Variants in PCDHA2 observed in about 807,000 individuals in gnomAD.
PCDHA2 encodes protocadherin alpha 2.
PCDHA2 carries 58 observed loss-of-function variants against 66.0 expected under a neutral mutation model. That is an observed-to-expected ratio of 0.88 (90% CI 0.71 to 1.09). The LOEUF (loss-of-function observed/expected upper bound fraction) is 1.09. Among genes scored for constraint, PCDHA2 ranks in the 50% least tolerant of loss-of-function variants. The pLI is 0.00. For synonymous variants in PCDHA2, 634 were observed against 554.0 expected, an observed-to-expected ratio of 1.14 and a Z score of -2.03; for missense variants, 1,267 against 1,242.3, an observed-to-expected ratio of 1.02 and a Z score of -0.30.
intron 1 of PCDHA2, among the ~76,000 whole-genome samples, chr5:140,978,440 T>G (rs1238163577): frequency 2.0e-5 from 3 of 152,244 alleles, no homozygotes; most frequent in African/African-American, 7.2e-5. Context: ...GCTGGTGTTA[T>G]GACTGGGCAC....
chr5:140,992,097 A>G (rs1466699064), intron 3 of PCDHA2, among the ~76,000 whole-genome samples: 7 of 151,212 alleles, frequency 4.6e-5, no homozygotes, highest in Non-Finnish European at 1.0e-4. Flanking sequence ...GAGAAAGAGA[A>G]TTAAGGTGAG....
At chr5:141,005,199 C>T (rs2098200928) in intron 3 of PCDHA2, among the ~76,000 whole-genome samples, 1 of 152,208 alleles carries the variant, frequency 6.6e-6, no homozygotes, top group African/African-American at 2.4e-5. Flanking sequence ...TCCTTTCATT[C>T]ATTCATCCAG....
At chr5:140,836,112 G>A in intron 1 of PCDHA2, 2 of 1,613,758 alleles carry the variant, frequency 1.2e-6, no homozygotes, top group South Asian at 2.2e-5. Context: ...TGGTGGCGCA[G>A]TGAGAGAGCT....
chr5:140,924,436 A>T (rs2153572390), intron 1 of PCDHA2, among the ~76,000 whole-genome samples: 1 of 152,318 alleles, frequency 6.6e-6, no homozygotes, highest in East Asian at 1.9e-4. Context: ...CCTAGAAGAG[A>T]TAACGAATGG....
Position 140,942,913 on chromosome 5 carries a change from GA to G in PCDHA2, c.2389-36026del, listed in dbSNP as rs58669311. Among the ~76,000 whole-genome samples the G allele has an allele frequency of 2.0e-3, 305 of 148,960 alleles. 3 individuals carry two copies. The highest frequency in any genetic ancestry group is 6.9e-3 in the African/African-American group (281 of 40,624). ...ATTTATCTCTAAGAATAAGCGTGAA[GA>G]AAAAAAAAATTGAAAAAGAGTTTAA... On this transcript the variant is annotated intron_variant, in intron 1 of 3. Coordinates refer to ENST00000526136, the MANE Select transcript of PCDHA2 (RefSeq NM_018905.3).
intron 1 of PCDHA2, chr5:140,797,566 C>A: frequency 1.5e-6 from 1 of 668,078 alleles, no homozygotes; most frequent in Non-Finnish European, 2.5e-6. Flanking sequence ...TACATTTTGG[C>A]ACTTCCATCA....
intron 1 of PCDHA2, chr5:140,822,888 C>G: frequency 6.2e-7 from 1 of 1,614,234 alleles, no homozygotes; most frequent in Non-Finnish European, 8.5e-7. Context: ...TTGCTCTGAT[C>G]AGCGTGTCTG....
intron 1 of PCDHA2, among the ~76,000 whole-genome samples, chr5:140,973,451 G>A (rs1317548382): frequency 2.0e-5 from 3 of 152,172 alleles, no homozygotes; most frequent in African/African-American, 7.2e-5. Context: ...TATAATGACT[G>A]GGGCTGTTTT....
chr5:140,858,159 C>T lies in PCDHA2; in HGVS notation c.2388+60807C>T, dbSNP rs782574934. The T allele has an allele frequency of 3.8e-6, 6 of 1,597,644 alleles. No homozygotes were observed. In the Admixed American group the frequency reaches 5.1e-5, roughly 13 times the overall value. On this transcript the variant is annotated intron_variant, in intron 1 of 3. Coordinates refer to ENST00000526136, the MANE Select transcript of PCDHA2 (RefSeq NM_018905.3). ...GTGTACCTGATCATCGCCATCTGCG[C>T]GGTGTCCAGCTTGCTGGTGCTCACG...
intron 1 of PCDHA2, chr5:140,966,634 G>A: frequency 9.8e-7 from 1 of 1,022,982 alleles, no homozygotes; most frequent in Non-Finnish European, 1.3e-6. Flanking sequence ...GGCCCCAGGC[G>A]CTTTCTAGAG....
chr5:140,800,279 C>G (rs1762533766), intron 1 of PCDHA2, among the ~76,000 whole-genome samples: 1 of 152,064 alleles, frequency 6.6e-6, no homozygotes, highest in Non-Finnish European at 1.5e-5. Context: ...TTGAATTTCT[C>G]TGTAAAGGAC....
At chr5:140,901,474 T>C (rs2068694853) in intron 1 of PCDHA2, among the ~76,000 whole-genome samples, 1 of 152,216 alleles carries the variant, frequency 6.6e-6, no homozygotes, top group Admixed American at 6.5e-5. Context: ...CTCGAGTTTA[T>C]GTTCTTGGCA....
chr5:140,968,758 T>C, intron 1 of PCDHA2: 1 of 1,614,150 alleles, frequency 6.2e-7, no homozygotes, highest in South Asian at 1.1e-5. Flanking sequence ...TGGTCCGAGA[T>C]AATGGAGAGC....
chr5:140,953,295 C>T (rs74485628), intron 1 of PCDHA2, among the ~76,000 whole-genome samples: 3,568 of 152,144 alleles, frequency 0.023, 49 homozygotes, highest in Middle Eastern at 0.034. Flanking sequence ...GATTCAGGGA[C>T]GGCAGAGATG....
intron 1 of PCDHA2, among the ~76,000 whole-genome samples, chr5:140,957,164 T>C (rs2095337835): frequency 6.6e-6 from 1 of 152,148 alleles, no homozygotes; most frequent in Non-Finnish European, 1.5e-5. Flanking sequence ...CAAATCTAAG[T>C]ATATAAATTG....
chr5:140,841,305 G>A (rs2150313122), intron 1 of PCDHA2: 2 of 1,543,548 alleles, frequency 1.3e-6, no homozygotes, highest in Non-Finnish European at 1.8e-6. Context: ...TTTTCTGATA[G>A]GAAACGACTA....
At chr5:140,911,775 C>T (rs1341124275) in intron 1 of PCDHA2, among the ~76,000 whole-genome samples, 1 of 152,096 alleles carries the variant, frequency 6.6e-6, no homozygotes, top group African/African-American at 2.4e-5. Context: ...AAGTACAGTC[C>T]TTAGCATTTT....
Position 140,824,248 on chromosome 5 carries a change from A to C in PCDHA2, c.2388+26896A>C, listed in dbSNP as rs2150133568. On this transcript the variant is annotated intron_variant, in intron 1 of 3. Transcript: ENST00000526136. Reference sequence around the variant, plus strand: ...TTAGTACACAAATATTGTGGTACACAATTATTGCACTAATTCATGTATTAT... The same window carrying C: ...TTAGTACACAAATATTGTGGTACACCATTATTGCACTAATTCATGTATTAT... 7 of 1,434,750 alleles carry C rather than the reference A, an allele frequency of 4.9e-6. No homozygotes were observed. The Admixed American group carries it at 1.2e-4, about 25-fold the overall frequency. 88.9% of individuals were successfully genotyped at this position (1,434,750 alleles called of 1,614,324 possible). A position where few individuals can be genotyped will look rare whatever the true frequency, so the allele number is the denominator to read the frequency against.
At chr5:140,813,502 TA>T (rs1321309612) in intron 1 of PCDHA2, 1 of 152,182 alleles carries the variant, frequency 6.6e-6, no homozygotes, top group African/African-American at 2.4e-5. Flanking sequence ...AAAGGTACAG[TA>T]AAAACATTGT....
Sources: allele counts gnomAD v4.1 joint callset (sites outside exome capture counted in the v4.1 genomes callset), GRCh38; gene constraint gnomAD v4.1.1; transcripts MANE v1.5; gene names NCBI Gene and HGNC (gene_info 2026-07-23, HGNC 2026-07-21).